The following FRMD3 variants were observed in gnomAD, a reference collection of about 807,000 sequenced individuals.
FRMD3 encodes the protein FERM domain-containing protein 3.
FRMD3 carries 33 observed loss-of-function variants against 70.2 expected under a neutral mutation model. The observed-to-expected ratio is 0.47, with a 90% confidence interval of 0.36 to 0.63. FRMD3 has a LOEUF of 0.63. Among genes scored for constraint, FRMD3 ranks in the 20% least tolerant of loss-of-function variants. FRMD3 has a pLI of 0.00. For missense variants in FRMD3, 632 were observed against 711.4 expected, an observed-to-expected ratio of 0.89 and a Z score of 1.27; for synonymous variants, 279 against 255.9, an observed-to-expected ratio of 1.09 and a Z score of -0.86.
the FRMD3 span, among the ~76,000 whole-genome samples, chr9:83,549,198 T>C: frequency 1.3e-5 from 2 of 152,178 alleles, no homozygotes; most frequent in African/African-American, 4.8e-5. Flanking sequence ...AGTGAGACAA[T>C]GTGGTATTTG....
intron 1 of FRMD3, among the ~76,000 whole-genome samples, chr9:83,508,573 T>C (rs1689902322): frequency 6.6e-6 from 1 of 152,168 alleles, no homozygotes; most frequent in African/African-American, 2.4e-5. Context: ...GTTTAATGCT[T>C]GACTCTCTTC....
chr9:83,451,352 CCA>C (rs147154939), intron 1 of FRMD3, among the ~76,000 whole-genome samples: 187 of 147,730 alleles, frequency 1.3e-3, no homozygotes, highest in African/African-American at 3.9e-3. Context: ...CTGCCCCACT[CCA>C]CACACACACA....
chr9:83,433,534 C>T (rs1304106764), intron 1 of FRMD3, among the ~76,000 whole-genome samples: 1 of 152,198 alleles, frequency 6.6e-6, no homozygotes, highest in Non-Finnish European at 1.5e-5. Context: ...TTCAGGATGA[C>T]TCAAGCACAT....
intron 7 of FRMD3, among the ~76,000 whole-genome samples, chr9:83,312,733 G>T (rs112255387): frequency 6.6e-6 from 1 of 151,974 alleles, no homozygotes; most frequent in Non-Finnish European, 1.5e-5. Flanking sequence ...CCTGGTCGCC[G>T]CACCCACCAC....
the FRMD3 span, among the ~76,000 whole-genome samples, chr9:83,585,123 G>A: frequency 2.0e-5 from 3 of 152,108 alleles, no homozygotes; most frequent in Admixed American, 2.0e-4. Context: ...AACTTTGTGG[G>A]CGGTGGCAGC....
chr9:83,426,833 C>T (rs989160253), intron 1 of FRMD3, among the ~76,000 whole-genome samples: 1 of 152,154 alleles, frequency 6.6e-6, no homozygotes, highest in African/African-American at 2.4e-5. Flanking sequence ...CATCACTGTA[C>T]TTGGCAGAAG....
downstream of FRMD3, among the ~76,000 whole-genome samples, chr9:83,243,629 C>T (rs949341826): frequency 1.3e-5 from 2 of 152,116 alleles, no homozygotes; most frequent in African/African-American, 4.8e-5. Context: ...ACTATAGGTC[C>T]GTAAGCTTCC....
At chr9:83,249,669 T>C (rs1297116498) in intron 13 of FRMD3, among the ~76,000 whole-genome samples, 2 of 152,146 alleles carry the variant, frequency 1.3e-5, no homozygotes, top group Admixed American at 6.5e-5. Context: ...ACAAGAAATA[T>C]ACAAAAGGTC....
chr9:83,321,042 T>C (rs752566779), intron 6 of FRMD3, among the ~76,000 whole-genome samples: 1 of 152,190 alleles, frequency 6.6e-6, no homozygotes, highest in Non-Finnish European at 1.5e-5. Context: ...GTCTCCTTTT[T>C]CACTTCTGAT....
At chr9:83,290,470 TA>T in intron 13 of FRMD3, 132 bp downstream of exon 13, 2 of 1,007,934 alleles carry the variant, frequency 2.0e-6, no homozygotes, top group Non-Finnish European at 3.0e-6. Context: ...GCTTATTTAC[TA>T]AAAACATAGT....
At chr9:83,267,311 A>T (rs1471992854) in intron 13 of FRMD3, 3 of 1,433,930 alleles carry the variant, frequency 2.1e-6, no homozygotes, top group Admixed American at 5.3e-5. Flanking sequence ...TTGGGAGGGG[A>T]GGAGGGAGGG....
At chr9:83,500,151 T>C (rs1414365830) in intron 1 of FRMD3, among the ~76,000 whole-genome samples, 2 of 152,086 alleles carry the variant, frequency 1.3e-5, no homozygotes, top group African/African-American at 4.8e-5. Context: ...TCCTGTATAA[T>C]CCTGTAATGG....
chr9:83,247,275 C>G lies in FRMD3; in HGVS notation c.*643G>C, dbSNP rs1232823056. 17 of 984,678 alleles carry G rather than the reference C, an allele frequency of 1.7e-5. 1 individual carries two copies. The Admixed American group carries it at 1.0e-3, about 61-fold the overall frequency. The allele number at this position is 984,678 out of a possible 1,614,324, so 61.0% of individuals were successfully genotyped here. A position where few individuals can be genotyped will look rare whatever the true frequency, so the allele number is the denominator to read the frequency against. On this transcript the variant is annotated 3_prime_UTR_variant, in exon 14 of 14. Coordinates refer to ENST00000304195, the MANE Select transcript of FRMD3 (RefSeq NM_174938.6). ...CATAACAAATTATGGTATTGTTCAG[C>G]CAAAAATATTTTTAAAAACAAAGTA... is the stretch of plus-strand genomic sequence containing the variant.
chr9:83,446,801 T>C (rs1395095374), intron 1 of FRMD3, among the ~76,000 whole-genome samples: 1 of 152,200 alleles, frequency 6.6e-6, no homozygotes, highest in East Asian at 1.9e-4. Flanking sequence ...ACTCTGCATA[T>C]ATGAAAGTGT....
intron 13 of FRMD3, among the ~76,000 whole-genome samples, chr9:83,256,426 A>T (rs757200161): frequency 2.4e-4 from 36 of 152,328 alleles, no homozygotes; most frequent in East Asian, 5.8e-4. Context: ...CCTAGAAGAA[A>T]ATCTAGGCAA....
chr9:83,462,117 T>C (rs1380514779), intron 1 of FRMD3, among the ~76,000 whole-genome samples: 5 of 152,178 alleles, frequency 3.3e-5, no homozygotes, highest in Admixed American at 2.6e-4. Context: ...TCTGTCTTCA[T>C]TTGTGAAATA....
At chr9:83,577,366 G>A in the FRMD3 span, among the ~76,000 whole-genome samples, 1 of 152,050 alleles carries the variant, frequency 6.6e-6, no homozygotes, top group African/African-American at 2.4e-5. Context: ...TAGACATGTA[G>A]ATCCATAGAA....
intron 1 of FRMD3, among the ~76,000 whole-genome samples, chr9:83,521,279 A>C (rs1829566364): frequency 6.6e-6 from 1 of 152,196 alleles, no homozygotes; most frequent in Admixed American, 6.5e-5. Context: ...AGAACTGGCA[A>C]ACTCAGCCTG....
chr9:83,332,042 G>A (rs879260330), intron 6 of FRMD3: 1 of 628,480 alleles, frequency 1.6e-6, no homozygotes. Flanking sequence ...ACAATGGTGG[G>A]CGGAGCCCCC....
Sources: gnomAD v4.1 joint callset for allele counts (sites outside exome capture counted in the v4.1 genomes callset) on GRCh38, gnomAD v4.1.1 for gene constraint, MANE v1.5 for transcripts, NCBI Gene and HGNC (gene_info 2026-07-23, HGNC 2026-07-21) for gene names.